The following NDST4 variants were observed in gnomAD, a reference collection of about 807,000 sequenced individuals.
The protein encoded by NDST4 is N-heparan sulfate sulfotransferase 4.
In NDST4, 63 loss-of-function variants were observed where a neutral mutation model predicts 100.8. The observed-to-expected ratio is 0.62, with a 90% confidence interval of 0.51 to 0.77. The LOEUF (loss-of-function observed/expected upper bound fraction) is 0.77, where lower values mean the gene tolerates loss of function less well. NDST4 is among the 30% of genes least tolerant of loss of function. The pLI, the probability that NDST4 is intolerant of heterozygous loss-of-function variation, is 0.00. For synonymous variants in NDST4, 377 were observed against 361.8 expected (o/e 1.04, Z -0.48); for missense variants, 943 against 1,018.4 (o/e 0.93, Z 1.01).
At chr4:114,898,793 T>C (rs1724770854) in intron 6 of NDST4, among the ~76,000 whole-genome samples, 1 of 152,190 alleles carries the variant, frequency 6.6e-6, no homozygotes, top group Non-Finnish European at 1.5e-5. Context: ...AGGGTGCTAA[T>C]GTAAATAGTA....
At chr4:114,897,778 T>A (rs917786307) in intron 6 of NDST4, among the ~76,000 whole-genome samples, 14 of 152,154 alleles carry the variant, frequency 9.2e-5, no homozygotes, top group African/African-American at 3.4e-4. Context: ...TTGTAATAGG[T>A]TTTTAGTGGT....
At chr4:114,988,423 G>A (rs975506040) in intron 2 of NDST4, among the ~76,000 whole-genome samples, 13 of 139,210 alleles carry the variant, frequency 9.3e-5, no homozygotes, top group East Asian at 4.4e-4. Context: ...GTGCAGTGGC[G>A]CAATCTTGGC....
At chr4:114,895,686 G>A (rs887166821) in intron 6 of NDST4, among the ~76,000 whole-genome samples, 114 of 152,176 alleles carry the variant, frequency 7.5e-4, no homozygotes, top group African/African-American at 2.7e-3. Context: ...CACAAAAAAG[G>A]AAAACTTCAG....
intron 6 of NDST4, among the ~76,000 whole-genome samples, chr4:114,912,158 A>C (rs1384379511): frequency 6.6e-6 from 1 of 152,196 alleles, no homozygotes; most frequent in African/African-American, 2.4e-5. Context: ...AAGTTTTTTC[A>C]GGATTTCTTT....
At chr4:114,927,881 A>T (rs969571178) in intron 6 of NDST4, among the ~76,000 whole-genome samples, 12 of 152,208 alleles carry the variant, frequency 7.9e-5, no homozygotes, top group Admixed American at 6.5e-4. Context: ...TTCTACTTAT[A>T]AGTTCCTACA....
chr4:114,841,805 A>C (rs779894509), intron 10 of NDST4, among the ~76,000 whole-genome samples: 3 of 152,192 alleles, frequency 2.0e-5, no homozygotes, highest in Non-Finnish European at 4.4e-5. Context: ...TATTAGATAA[A>C]TTCTGATGGT....
chr4:115,026,301 G>A (rs1727982926), intron 2 of NDST4, among the ~76,000 whole-genome samples: 1 of 151,986 alleles, frequency 6.6e-6, no homozygotes, highest in African/African-American at 2.4e-5. Flanking sequence ...CATGGAGAAA[G>A]TTAACATTAT....
intron 1 of NDST4, among the ~76,000 whole-genome samples, chr4:115,097,656 T>A (rs1274072538): frequency 6.6e-6 from 1 of 152,170 alleles, no homozygotes; most frequent in East Asian, 1.9e-4. Context: ...CACATCATTT[T>A]TTTCCCAATA....
At chr4:115,107,672 A>G (rs2110346454) in intron 1 of NDST4, among the ~76,000 whole-genome samples, 1 of 152,066 alleles carries the variant, frequency 6.6e-6, no homozygotes, top group South Asian at 2.1e-4. Flanking sequence ...TTATTTATTT[A>G]CTGTCAGTTT....
intron 9 of NDST4, among the ~76,000 whole-genome samples, 160 bp downstream of exon 9, chr4:114,848,055 G>T (rs1448394437): frequency 6.6e-6 from 1 of 152,032 alleles, no homozygotes; most frequent in African/African-American, 2.4e-5. Context: ...TCACATTATA[G>T]GCAACACTGA....
rs146354167 is a variant in NDST4 at position 114,853,628 on chromosome 4, C to T, written c.1720-807G>A. On this transcript the variant is annotated intron_variant, in intron 7 of 13. Transcript: ENST00000264363. ...CATGTTGGTTTTATTATATTGGTGA[C>T]CTACACAATAATTATATTCAAGATG... Among the ~76,000 whole-genome samples the T allele has an allele frequency of 7.1e-3, 1,077 of 151,468 alleles. 5 individuals carry two copies. Among genetic ancestry groups the T allele is most frequent in the Non-Finnish European group, 0.012 (823 of 67,836 alleles).
intron 6 of NDST4, among the ~76,000 whole-genome samples, chr4:114,890,744 C>A (rs966568375): frequency 6.6e-6 from 1 of 152,052 alleles, no homozygotes; most frequent in Non-Finnish European, 1.5e-5. Flanking sequence ...TCTCATTTGT[C>A]CTCAGAGAAT....
At chr4:114,982,097 G>A (rs1726787564) in intron 2 of NDST4, among the ~76,000 whole-genome samples, 1 of 152,176 alleles carries the variant, frequency 6.6e-6, no homozygotes, top group Non-Finnish European at 1.5e-5. Context: ...TCTCAGGTAT[G>A]TGTTTACAGC....
intron 2 of NDST4, among the ~76,000 whole-genome samples, chr4:114,993,634 TA>T: frequency 6.6e-6 from 1 of 152,068 alleles, no homozygotes; most frequent in East Asian, 1.9e-4. Context: ...GCCTCTGTTT[TA>T]AAAACCAAAT....
Position 114,892,251 on chromosome 4 carries a change from A to C in NDST4, c.1537-21301T>G, listed in dbSNP as rs72681406. Among the ~76,000 whole-genome samples the C allele has an allele frequency of 9.1e-3, 1,393 of 152,272 alleles. 20 individuals are homozygous for C. Among genetic ancestry groups the C allele is most frequent in the Admixed American group, 0.023 (346 of 15,284 alleles). On this transcript the variant is annotated intron_variant, in intron 6 of 13. Transcript: ENST00000264363. ...TATGGAATTTAAGAGTTGGTAATAC[A>C]TACCATGTACATTATTTATACTTGG...
intron 4 of NDST4, among the ~76,000 whole-genome samples, chr4:114,939,684 C>CAA (rs11405644): frequency 0.061 from 8,981 of 148,386 alleles, 328 homozygotes; most frequent in Middle Eastern, 0.12. Context: ...GTAGAACTTT[C>CAA]AAAAAAAAAA....
At chr4:115,023,749 T>A (rs897431853) in intron 2 of NDST4, among the ~76,000 whole-genome samples, 8 of 152,184 alleles carry the variant, frequency 5.3e-5, no homozygotes, top group African/African-American at 1.9e-4. Flanking sequence ...GAGATTCGTA[T>A]GGACAAAAGG....
At chr4:114,982,318 T>C (rs944237836) in intron 2 of NDST4, among the ~76,000 whole-genome samples, 5 of 152,184 alleles carry the variant, frequency 3.3e-5, no homozygotes, top group Admixed American at 2.6e-4. Context: ...GATAGTGATA[T>C]GGACAATGAA....
chr4:114,994,433 A>G (rs1385195400), intron 2 of NDST4, among the ~76,000 whole-genome samples: 2 of 151,926 alleles, frequency 1.3e-5, no homozygotes, highest in South Asian at 2.1e-4. Context: ...TCTTTGTACC[A>G]TGATGCATCC....
Sources: allele counts gnomAD v4.1 joint callset (sites outside exome capture counted in the v4.1 genomes callset), GRCh38; gene constraint gnomAD v4.1.1; transcripts MANE v1.5; gene names NCBI Gene and HGNC (gene_info 2026-07-23, HGNC 2026-07-21).